Variants in CAMKMT observed in about 807,000 individuals in gnomAD.
CAMKMT encodes calmodulin-lysine N-methyltransferase, also known as CaM KMT.
A neutral mutation model predicts 48.0 loss-of-function variants in CAMKMT; 53 were observed. The observed-to-expected ratio is 1.10, with a 90% CI of 0.89 to 1.39. The LOEUF is 1.39. CAMKMT is among the 40% of genes most tolerant of loss of function. CAMKMT has a pLI of 0.00. For missense variants in CAMKMT, 428 were observed against 402.7 expected (o/e 1.06, Z -0.54); for synonymous variants, 165 against 152.3 (o/e 1.08, Z -0.61).
At chr2:44,714,492 T>C (rs1222967783) in intron 6 of CAMKMT, among the ~76,000 whole-genome samples, 1 of 152,202 alleles carries the variant, frequency 6.6e-6, no homozygotes, top group Non-Finnish European at 1.5e-5. Context: ...CTCAACTGAC[T>C]TTCTTCAGTA....
In CAMKMT at chr2:44,549,485, G is replaced by C; in HGVS notation, c.377-154798G>C. 3 of 689,050 alleles carry C rather than the reference G, an allele frequency of 4.4e-6. No homozygotes were observed. The South Asian group carries it at 4.7e-5, about 11-fold the overall frequency. The allele number at this position is 689,050 out of a possible 1,614,324, so 42.7% of individuals were successfully genotyped here. A position where few individuals can be genotyped will look rare whatever the true frequency, so the allele number is the denominator to read the frequency against. On this transcript the variant is annotated intron_variant, in intron 3 of 10. Coordinates refer to ENST00000378494, the MANE Select transcript of CAMKMT (RefSeq NM_024766.5). ...GTCCAGTCACTTGCCACAATGTCTT[G>C]AACTGAAAACCACAATTACTTTTGC...
intron 3 of CAMKMT, among the ~76,000 whole-genome samples, chr2:44,482,152 A>C (rs1224336453): frequency 6.6e-6 from 1 of 152,014 alleles, no homozygotes; most frequent in Non-Finnish European, 1.5e-5. Flanking sequence ...CTTTCAGGAG[A>C]GGGAGCACAG....
At chr2:44,583,407 A>AG (rs780586598) in intron 3 of CAMKMT, among the ~76,000 whole-genome samples, 12 of 152,346 alleles carry the variant, frequency 7.9e-5, no homozygotes, top group Non-Finnish European at 1.3e-4. Context: ...AGGATGTTAG[A>AG]GGATTCTTCA....
At chr2:44,641,620 T>C (rs1200840180) in intron 3 of CAMKMT, among the ~76,000 whole-genome samples, 2 of 152,088 alleles carry the variant, frequency 1.3e-5, no homozygotes, top group African/African-American at 4.8e-5. Context: ...TGCAGTGGTA[T>C]AAACTTGGCT....
At chr2:44,704,182 G>C in intron 3 of CAMKMT, 101 bp from the exon 4 acceptor site, 1 of 714,956 alleles carries the variant, frequency 1.4e-6, no homozygotes, top group Non-Finnish European at 2.2e-6. Flanking sequence ...AATGTTGTTT[G>C]ATTGAAGTTG....
chr2:44,364,204 G>A (rs1016110557), intron 1 of CAMKMT, among the ~76,000 whole-genome samples: 1 of 151,802 alleles, frequency 6.6e-6, no homozygotes, highest in African/African-American at 2.4e-5. Flanking sequence ...TCTAAATTGC[G>A]GTCTAAATGA....
intron 3 of CAMKMT, among the ~76,000 whole-genome samples, chr2:44,463,203 G>A (rs1253257717): frequency 6.6e-6 from 1 of 152,154 alleles, no homozygotes. Context: ...AAAACTTAAT[G>A]GCTTACAGTA....
In CAMKMT at chr2:44,445,666, T is replaced by G. The variant is rs1572892805; in HGVS notation, c.376+55361T>G. On this transcript the variant is annotated intron_variant, in intron 3 of 10. Transcript: ENST00000378494. ...GGTAGTTTTTTTTTTTTTTTTTTTTTTTTTTTTTTTTTTTTTTTTTTTTTT... is the reference window on the plus strand; with the variant it reads ...GGTAGTTTTTTTTTTTTTTTTTTTTGTTTTTTTTTTTTTTTTTTTTTTTTT... Among the ~76,000 whole-genome samples the G allele has an allele frequency of 5.7e-4, 8 of 14,144 alleles. 2 individuals carry two copies. Among genetic ancestry groups the G allele is most frequent in the South Asian group, 6.1e-3 (1 of 164 alleles). The allele number at this position is 14,144 out of a possible 152,430, so 9.3% of individuals were successfully genotyped here. A position where few individuals can be genotyped will look rare whatever the true frequency, so the allele number is the denominator to read the frequency against.
chr2:44,666,556 A>C (rs1674980937), intron 3 of CAMKMT, among the ~76,000 whole-genome samples: 1 of 151,972 alleles, frequency 6.6e-6, no homozygotes, highest in African/African-American at 2.4e-5. Context: ...CTCCAGTCCA[A>C]CTTTATTAGT....
chr2:44,668,492 C>T (rs964551581), intron 3 of CAMKMT, among the ~76,000 whole-genome samples: 2 of 152,212 alleles, frequency 1.3e-5, no homozygotes, highest in Admixed American at 1.3e-4. Flanking sequence ...AAAGGAAAGA[C>T]AAGACCCCTC....
chr2:44,608,980 T>C, intron 3 of CAMKMT, among the ~76,000 whole-genome samples: 1 of 152,238 alleles, frequency 6.6e-6, no homozygotes, highest in Non-Finnish European at 1.5e-5. Context: ...TTTAAATCTC[T>C]ATTCAAGTCC....
intron 3 of CAMKMT, among the ~76,000 whole-genome samples, chr2:44,654,968 G>T (rs1004774473): frequency 1.4e-4 from 21 of 152,060 alleles, no homozygotes; most frequent in African/African-American, 4.8e-4. Flanking sequence ...TGGATATTTA[G>T]GTTATTTTCC....
At chr2:44,695,905 CAAAA>C (rs112927433) in intron 3 of CAMKMT, among the ~76,000 whole-genome samples, 1 of 124,076 alleles carries the variant, frequency 8.1e-6, no homozygotes, top group Non-Finnish European at 1.8e-5. Flanking sequence ...CCAAAATATT[CAAAA>C]AAAAAAAAAG....
intron 3 of CAMKMT, among the ~76,000 whole-genome samples, chr2:44,520,272 T>G (rs976287387): frequency 6.6e-6 from 1 of 151,968 alleles, no homozygotes; most frequent in Non-Finnish European, 1.5e-5. Flanking sequence ...TCTCGCTATG[T>G]TGCCCAGACT....
In CAMKMT at chr2:44,739,682, G is replaced by A. The variant is rs567373916; in HGVS notation, c.624-3940G>A. ...GAGATCTTTGGTGAGTTTGACAGCAGCATTTTTGGTGGAACGGTGGGGACA... is the reference window on the plus strand; with the variant it reads ...GAGATCTTTGGTGAGTTTGACAGCAACATTTTTGGTGGAACGGTGGGGACA... On this transcript the variant is annotated intron_variant, in intron 7 of 10. Transcript: ENST00000378494. Among the ~76,000 whole-genome samples, 7 of 151,894 alleles carry A rather than the reference G, an allele frequency of 4.6e-5. No homozygotes were observed. In the South Asian group the frequency reaches 1.5e-3, roughly 32 times the overall value.
At position 44,771,974 on chromosome 2, in the gene CAMKMT, T is replaced by C. The variant is rs1342020322; in HGVS notation, c.895-62T>C. On this transcript the variant is annotated intron_variant, in intron 10 of 10. Coordinates refer to ENST00000378494, the MANE Select transcript of CAMKMT (RefSeq NM_024766.5). ...GTCATCATGATACTCAACATTAATA[T>C]TGACTGGTAAAGATCCCTAATTGGA... 5.4e-6 allele frequency: 6 copies of C among 1,106,054 alleles called. No homozygotes were observed. The Admixed American group carries it at 9.5e-5, about 17-fold the overall frequency. The allele number at this position is 1,106,054 out of a possible 1,614,324, so 68.5% of individuals were successfully genotyped here. A position where few individuals can be genotyped will look rare whatever the true frequency, so the allele number is the denominator to read the frequency against.
chr2:44,511,714 T>G (rs1475485350), intron 3 of CAMKMT, among the ~76,000 whole-genome samples: 1 of 152,248 alleles, frequency 6.6e-6, no homozygotes, highest in Non-Finnish European at 1.5e-5. Flanking sequence ...ATCTGCCTCC[T>G]AAAACCATCT....
chr2:44,701,070 T>C (rs933979470), intron 3 of CAMKMT, among the ~76,000 whole-genome samples: 1 of 152,230 alleles, frequency 6.6e-6, no homozygotes, highest in Non-Finnish European at 1.5e-5. Flanking sequence ...TTTCCACTTT[T>C]GGGCTACTAA....
intron 3 of CAMKMT, among the ~76,000 whole-genome samples, chr2:44,429,807 C>CAAAAAAA (rs1168195679): frequency 2.6e-4 from 17 of 64,652 alleles, no homozygotes; most frequent in African/African-American, 8.9e-4. Context: ...GACTCCGTCT[C>CAAAAAAA]AAAAAAAAAA....
Sources: allele counts gnomAD v4.1 joint callset (sites outside exome capture counted in the v4.1 genomes callset), GRCh38; gene constraint gnomAD v4.1.1; transcripts MANE v1.5; gene names NCBI Gene and HGNC (gene_info 2026-07-23, HGNC 2026-07-21).